Variants in FRMPD2 observed in about 807,000 individuals in gnomAD.
The protein encoded by FRMPD2 is FERM and PDZ domain containing 2.
FRMPD2 carries 96 observed loss-of-function variants against 140.1 expected under a neutral mutation model. The ratio of observed to expected loss-of-function variants is 0.69; its 90% confidence interval spans 0.58 to 0.81. The LOEUF (loss-of-function observed/expected upper bound fraction) is 0.81, where lower values mean the gene tolerates loss of function less well. Among genes scored for constraint, FRMPD2 ranks in the 40% least tolerant of loss-of-function variants. The pLI, the probability that FRMPD2 is intolerant of heterozygous loss-of-function variation, is 0.00. For synonymous variants in FRMPD2, 449 were observed against 547.6 expected (o/e 0.82, Z 2.52); for missense variants, 1,240 against 1,447.4 (o/e 0.86, Z 2.32).
At position 48,210,958 on chromosome 10, in the gene FRMPD2, G is replaced by A. The variant is rs1283086461; in HGVS notation, c.1611+996C>T. On this transcript the variant is annotated intron_variant, in intron 13 of 28. Transcript: ENST00000374201. ...GGCCCAGCTTGTATCCCATCCTGGG[G>A]AAGCTGCGAGTGTCCTCGCACTTAT... Among the ~76,000 whole-genome samples, 12 of 152,272 alleles carry A rather than the reference G, an allele frequency of 7.9e-5. 1 individual carries two copies. Among genetic ancestry groups the A allele is most frequent in the Admixed American group, 6.5e-4 (10 of 15,294 alleles).
At chr10:48,259,474 G>A (rs1283322904) in intron 1 of FRMPD2, among the ~76,000 whole-genome samples, 1 of 152,168 alleles carries the variant, frequency 6.6e-6, no homozygotes, top group Non-Finnish European at 1.5e-5. Flanking sequence ...AAGCAACTTT[G>A]TCTCGAACCT....
At chr10:48,235,952 T>C (rs1003540952) in intron 9 of FRMPD2, among the ~76,000 whole-genome samples, 2 of 152,136 alleles carry the variant, frequency 1.3e-5, no homozygotes, top group Admixed American at 1.3e-4. Context: ...CCAGTCTTTG[T>C]TCACAAGATG....
At chr10:48,233,851 C>T (rs1839907644) in intron 9 of FRMPD2, among the ~76,000 whole-genome samples, 1 of 152,160 alleles carries the variant, frequency 6.6e-6, no homozygotes, top group Non-Finnish European at 1.5e-5. Flanking sequence ...TCACTGCCCC[C>T]TAGTGATGCC....
At chr10:48,184,717 G>A in intron 19 of FRMPD2, 35 bp from the exon 20 acceptor site, 1 of 1,592,206 alleles carries the variant, frequency 6.3e-7, no homozygotes, top group Middle Eastern at 1.7e-4. Context: ...ATCCTTCAAG[G>A]AAATAAAAAA....
intron 12 of FRMPD2, among the ~76,000 whole-genome samples, chr10:48,217,625 T>C (rs1201029646): frequency 1.3e-5 from 2 of 152,256 alleles, no homozygotes; most frequent in Non-Finnish European, 1.5e-5. Context: ...CCTTATTTCC[T>C]GAGGTTTTTG....
intron 1 of FRMPD2, among the ~76,000 whole-genome samples, chr10:48,271,870 T>C (rs1193104382): frequency 6.6e-6 from 1 of 152,222 alleles, no homozygotes; most frequent in Non-Finnish European, 1.5e-5. Context: ...GGCAAGTTAC[T>C]TCCTCTCTTT....
At chr10:48,203,945 A>T (rs914811080) in intron 14 of FRMPD2, among the ~76,000 whole-genome samples, 7 of 152,140 alleles carry the variant, frequency 4.6e-5, no homozygotes, top group Non-Finnish European at 7.4e-5. Context: ...ATGGGGATAC[A>T]CTTGGTTTAG....
At chr10:48,237,963 G>C in intron 8 of FRMPD2, 28 bp downstream of exon 8, 1 of 1,613,908 alleles carries the variant, frequency 6.2e-7, no homozygotes, top group Non-Finnish European at 8.5e-7. Context: ...CCTCCTTGAG[G>C]AGTGTCCTTC....
At chr10:48,245,067 A>C (rs2131955509) in intron 3 of FRMPD2, among the ~76,000 whole-genome samples, 1 of 152,308 alleles carries the variant, frequency 6.6e-6, no homozygotes, top group African/African-American at 2.4e-5. Context: ...GTTTTGGTGA[A>C]AGGCGTGAGA....
intron 1 of FRMPD2, among the ~76,000 whole-genome samples, chr10:48,268,675 A>C (rs1437231503): frequency 6.6e-6 from 1 of 152,252 alleles, no homozygotes; most frequent in Non-Finnish European, 1.5e-5. Context: ...TGTGAGACTG[A>C]TCTCAGAGAT....
chr10:48,208,411 A>C (rs1839248164), intron 13 of FRMPD2, among the ~76,000 whole-genome samples: 1 of 152,236 alleles, frequency 6.6e-6, no homozygotes, highest in African/African-American at 2.4e-5. Flanking sequence ...GTAAAGCACC[A>C]TGCTAAGCCT....
At position 48,183,428 on chromosome 10, in the gene FRMPD2, T is replaced by A. The variant is rs146948541; in HGVS notation, c.2584+1138A>T. On this transcript the variant is annotated intron_variant, in intron 20 of 28. Coordinates refer to ENST00000374201, the MANE Select transcript of FRMPD2 (RefSeq NM_001018071.4). ...AAAACAATAGTATTTTCCTTTAATA[T>A]AGGCAGTTGTTGCTCTCTCATTCTT... 2.6e-3 allele frequency among the ~76,000 whole-genome samples: 398 copies of A among 152,284 alleles called. 4 individuals are homozygous for A. Among genetic ancestry groups the A allele is most frequent in the South Asian group, 0.013 (62 of 4,824 alleles).
At chr10:48,191,085 A>G (rs1838819978) in intron 16 of FRMPD2, among the ~76,000 whole-genome samples, 2 of 152,228 alleles carry the variant, frequency 1.3e-5, no homozygotes, top group Non-Finnish European at 2.9e-5. Flanking sequence ...GCAGTATGGC[A>G]GGACTGACAC....
At chr10:48,212,366 G>A (rs375410344) in intron 12 of FRMPD2, among the ~76,000 whole-genome samples, 1 of 152,060 alleles carries the variant, frequency 6.6e-6, no homozygotes, top group Non-Finnish European at 1.5e-5. Flanking sequence ...AACACATAAG[G>A]CTTTTCTGAT....
chr10:48,161,846 C>T (rs1380938905), intron 28 of FRMPD2, among the ~76,000 whole-genome samples: 1 of 151,344 alleles, frequency 6.6e-6, no homozygotes, highest in Non-Finnish European at 1.5e-5. Context: ...ACTGCCTATA[C>T]TAATAGTTTA....
chr10:48,256,758 G>A (rs1012631670), intron 1 of FRMPD2, among the ~76,000 whole-genome samples: 3 of 152,106 alleles, frequency 2.0e-5, no homozygotes, highest in Non-Finnish European at 4.4e-5. Context: ...GTGGGTCAGG[G>A]GACCAGGCCA....
Position 48,174,850 on chromosome 10 carries a change from G to T in FRMPD2, c.3075+20C>A, listed in dbSNP as rs1158136530. 3.2e-6 allele frequency: 2 copies of T among 621,478 alleles called. No individual in the cohort carries two copies. Among genetic ancestry groups the T allele is most frequent in the African/African-American group, 2.0e-5 (1 of 50,176 alleles). The allele number at this position is 621,478 out of a possible 1,614,324, so 38.5% of individuals were successfully genotyped here. ...AAAGTTCCGGAAGGAGGGGAAGCTG[G>T]TCAGCAACAGTCCACTCACCTGCCC... On this transcript the variant is annotated intron_variant, in intron 24 of 28. Transcript: ENST00000374201.
At chr10:48,238,264 T>G (rs756738295) in intron 7 of FRMPD2, 141 bp from the exon 8 acceptor site, 3 of 839,752 alleles carry the variant, frequency 3.6e-6, no homozygotes, top group Non-Finnish European at 5.4e-6. Flanking sequence ...ATGGGGGAGT[T>G]ATATCCATTT....
At chr10:48,274,783 C>T (rs1268889685), upstream of FRMPD2, 30 of 569,404 alleles carry the variant, frequency 5.3e-5, no homozygotes, top group Non-Finnish European at 7.8e-5. Context: ...CTGGGTCCTG[C>T]GCAGTCTCTG....
Sources: gnomAD v4.1 joint callset for allele counts (sites outside exome capture counted in the v4.1 genomes callset) on GRCh38, gnomAD v4.1.1 for gene constraint, MANE v1.5 for transcripts, NCBI Gene and HGNC (gene_info 2026-07-23, HGNC 2026-07-21) for gene names.